The following ECM2 variants were observed in gnomAD, a reference collection of about 807,000 sequenced individuals.
The protein encoded by ECM2 is extracellular matrix protein 2.
Under a neutral mutation model 67.5 loss-of-function variants are expected in ECM2, and 57 were observed. The observed-to-expected ratio is 0.84, with a 90% CI of 0.68 to 1.05. The LOEUF (loss-of-function observed/expected upper bound fraction) is 1.05, where lower values mean the gene tolerates loss of function less well. Ranked by LOEUF, ECM2 falls within the 50% of genes least tolerant of loss-of-function variation. The probability of loss-of-function intolerance (pLI) is 0.00; values close to 1 mark genes in which losing one functional copy is unlikely to be tolerated. For missense variants in ECM2, 741 were observed against 822.8 expected (o/e 0.90, Z 1.22); for synonymous variants, 258 against 294.5 (o/e 0.88, Z 1.27).
rs557489958 is a variant in ECM2, at chr9:92,514,961, C to T, written c.724G>A (p.Glu242Lys). 2 of 1,614,150 alleles carry T rather than the reference C, an allele frequency of 1.2e-6. No individual in the cohort carries two copies. Among genetic ancestry groups the T allele is most frequent in the South Asian group, 1.1e-5 (1 of 91,078 alleles). Residue 242 changes from glutamate to lysine, a missense_variant, in exon 4 of 10, where the codon GAG becomes AAG. Coordinates refer to ENST00000344604, the MANE Select transcript of ECM2 (RefSeq NM_001393.4). The part of the protein sequence containing the change: ...ESRNQGQLYS[E>K]GDSRGGDRKQ... ...CTGTCTCCTCCTCTGCTGTCCCCCT[C>T]ACTGTAAAGTTGCCCCTGATTTCTA...
At chr9:92,509,778 G>A in intron 6 of ECM2, 121 bp downstream of exon 6, 1 of 1,099,542 alleles carries the variant, frequency 9.1e-7, no homozygotes. Context: ...AACTCAAATG[G>A]TTAAGTGACC....
the ECM2 span, among the ~76,000 whole-genome samples, chr9:92,551,991 G>A: frequency 1.8e-3 from 223 of 123,818 alleles, no homozygotes; most frequent in Non-Finnish European, 2.6e-3. Flanking sequence ...GTGTATATAT[G>A]TGATATATAT....
chr9:92,503,107 C>A (rs1846790450), intron 7 of ECM2, among the ~76,000 whole-genome samples: 2 of 151,978 alleles, frequency 1.3e-5, no homozygotes, highest in Admixed American at 6.6e-5. Flanking sequence ...AATTTTATAA[C>A]TAATTAGTAA....
chr9:92,506,119 A>G (rs1410172786), intron 6 of ECM2, among the ~76,000 whole-genome samples: 2 of 152,222 alleles, frequency 1.3e-5, no homozygotes, highest in Admixed American at 6.5e-5. Context: ...AGATGTATGA[A>G]GTGGCAGCAT....
upstream of ECM2, among the ~76,000 whole-genome samples, chr9:92,540,896 T>C (rs959253214): frequency 2.6e-4 from 40 of 152,064 alleles, 1 homozygote; most frequent in Non-Finnish European, 7.4e-5. Context: ...AGCAAAAATA[T>C]CGATAAAGTA....
intron 7 of ECM2, among the ~76,000 whole-genome samples, chr9:92,502,923 T>A (rs778004337): frequency 4.1e-5 from 6 of 145,786 alleles, no homozygotes; most frequent in Non-Finnish European, 7.5e-5. Context: ...TCCTACCACC[T>A]CAGTCCCACA....
At chr9:92,555,146 CA>C in the ECM2 span, among the ~76,000 whole-genome samples, 1 of 144,006 alleles carries the variant, frequency 6.9e-6, no homozygotes, top group Admixed American at 7.0e-5. Context: ...CGATTGGTAT[CA>C]ATTCTTCTTT....
At chr9:92,537,165 C>G (rs561601470), upstream of ECM2, among the ~76,000 whole-genome samples, 20 of 151,824 alleles carry the variant, frequency 1.3e-4, no homozygotes, top group Non-Finnish European at 2.2e-4. Flanking sequence ...CATGAGCCAC[C>G]GCACCTGGCC....
chr9:92,520,330 A>G (rs777505579), intron 2 of ECM2, among the ~76,000 whole-genome samples: 8 of 152,146 alleles, frequency 5.3e-5, no homozygotes, highest in Non-Finnish European at 1.2e-4. Flanking sequence ...ATATTTCTCC[A>G]AGGAAGATAT....
At chr9:92,504,314 AG>A (rs1846861978) in intron 7 of ECM2, among the ~76,000 whole-genome samples, 1 of 152,178 alleles carries the variant, frequency 6.6e-6, no homozygotes, top group Non-Finnish European at 1.5e-5. Context: ...GGAAATAGGA[AG>A]AAGAGGAAGG....
chr9:92,512,402 A>G (rs945772553), intron 4 of ECM2, among the ~76,000 whole-genome samples: 1 of 152,242 alleles, frequency 6.6e-6, no homozygotes, highest in Non-Finnish European at 1.5e-5. Flanking sequence ...ACACAGCCAG[A>G]ATGTGGTCTG....
chr9:92,510,203 G>A (rs1847251548), intron 5 of ECM2, among the ~76,000 whole-genome samples, 169 bp from the exon 6 acceptor site: 1 of 152,172 alleles, frequency 6.6e-6, no homozygotes, highest in Non-Finnish European at 1.5e-5. Context: ...GGTTGATATT[G>A]ATCCTGGTAA....
At chr9:92,528,389 G>C (rs1259816333) in intron 1 of ECM2, among the ~76,000 whole-genome samples, 1 of 152,166 alleles carries the variant, frequency 6.6e-6, no homozygotes, top group Non-Finnish European at 1.5e-5. Flanking sequence ...AAAGAGACTA[G>C]TGTTCCTAGG....
chr9:92,494,242 T>A, downstream of ECM2: 3 of 1,284,460 alleles, frequency 2.3e-6, no homozygotes, highest in South Asian at 4.1e-5. Flanking sequence ...ACTCACCTTA[T>A]TCAGTTTGAG....
chr9:92,515,804 C>G (rs1847666280), intron 3 of ECM2, among the ~76,000 whole-genome samples: 1 of 152,172 alleles, frequency 6.6e-6, no homozygotes, highest in Non-Finnish European at 1.5e-5. Flanking sequence ...AGACTCTATA[C>G]TTAAATCATC....
chr9:92,539,424 T>C (rs116502378), upstream of ECM2, among the ~76,000 whole-genome samples: 1,098 of 143,382 alleles, frequency 7.7e-3, 11 homozygotes, highest in African/African-American at 0.024. Context: ...AGCTGTTAAC[T>C]ACATTTTTAT....
intron 1 of ECM2, among the ~76,000 whole-genome samples, chr9:92,528,455 T>A (rs1048400035): frequency 6.6e-6 from 1 of 152,158 alleles, no homozygotes; most frequent in Non-Finnish European, 1.5e-5. Flanking sequence ...AGATGTGAAG[T>A]CTTCCACTGA....
chr9:92,523,727 G>A (rs1164790196), intron 1 of ECM2, among the ~76,000 whole-genome samples: 1 of 152,166 alleles, frequency 6.6e-6, no homozygotes, highest in African/African-American at 2.4e-5. Flanking sequence ...TAGTAGGAGC[G>A]GGCTTAACTA....
intron 1 of ECM2, among the ~76,000 whole-genome samples, chr9:92,535,630 G>A (rs1454606381): frequency 6.6e-6 from 1 of 151,744 alleles, no homozygotes; most frequent in East Asian, 1.9e-4. Flanking sequence ...AAAATATTTT[G>A]AATTATTTAT....
Sources: allele counts gnomAD v4.1 joint callset (sites outside exome capture counted in the v4.1 genomes callset), GRCh38; gene constraint gnomAD v4.1.1; transcripts MANE v1.5; gene names NCBI Gene and HGNC (gene_info 2026-07-23, HGNC 2026-07-21).